The following PRKD1 variants were observed in gnomAD, a reference collection of about 807,000 sequenced individuals.
The protein encoded by PRKD1 is protein kinase D1.
A neutral mutation model predicts 95.9 loss-of-function variants in PRKD1; 63 were observed. The ratio of observed to expected loss-of-function variants is 0.66; its 90% CI spans 0.54 to 0.81. The LOEUF (loss-of-function observed/expected upper bound fraction) is 0.81, where lower values mean the gene tolerates loss of function less well. Ranked by LOEUF, PRKD1 falls within the 30% of genes least tolerant of loss-of-function variation. The pLI is 0.00. For synonymous variants in PRKD1, 425 were observed against 423.1 expected, an observed-to-expected ratio of 1.00 and a Z score of -0.05; for missense variants, 1,048 against 1,165.3, an observed-to-expected ratio of 0.90 and a Z score of 1.47.
intron 1 of PRKD1, among the ~76,000 whole-genome samples, chr14:29,799,543 A>G (rs1889943154): frequency 6.6e-6 from 1 of 152,226 alleles, no homozygotes; most frequent in Non-Finnish European, 1.5e-5. Flanking sequence ...TTATTAAATA[A>G]TCTTGCAAAT....
intron 1 of PRKD1, among the ~76,000 whole-genome samples, chr14:29,867,730 C>T (rs554937930): frequency 2.0e-4 from 31 of 152,134 alleles, no homozygotes; most frequent in Non-Finnish European, 2.8e-4. Context: ...GGGGTATCTG[C>T]AGGAAGGTTT....
intron 1 of PRKD1, among the ~76,000 whole-genome samples, chr14:29,751,609 T>A (rs1229257957): frequency 6.6e-6 from 1 of 152,186 alleles, no homozygotes; most frequent in African/African-American, 2.4e-5. Flanking sequence ...ACATTATGTA[T>A]CTTTATAGTT....
chr14:29,607,855 A>G (rs1453803488), intron 13 of PRKD1, among the ~76,000 whole-genome samples: 1 of 152,160 alleles, frequency 6.6e-6, no homozygotes, highest in Non-Finnish European at 1.5e-5. Flanking sequence ...TAGGGTGCAG[A>G]CATCTTTAAC....
At chr14:29,925,104 T>A (rs1484109063) in intron 1 of PRKD1, among the ~76,000 whole-genome samples, 1 of 152,014 alleles carries the variant, frequency 6.6e-6, no homozygotes. Context: ...TTCCAAACAG[T>A]CAAACTTTTC....
chr14:29,904,832 G>A (rs1187156444), intron 1 of PRKD1, among the ~76,000 whole-genome samples: 1 of 152,160 alleles, frequency 6.6e-6, no homozygotes, highest in Non-Finnish European at 1.5e-5. Flanking sequence ...TAAAGAGGCA[G>A]TACAAGAATG....
rs534526674 is a variant in PRKD1, at chr14:29,749,925, T to G, written c.265-24251A>C. 7.2e-5 allele frequency among the ~76,000 whole-genome samples: 11 copies of G among 152,310 alleles called. 1 individual carries two copies. In the East Asian group the frequency reaches 1.5e-3, roughly 21 times the overall value. ...GTTGGGGATGTATGCCATACAAACA[T>G]GAACATTTACACAGCAAAAACGTTA... On this transcript the variant is annotated intron_variant, in intron 1 of 17. Coordinates refer to ENST00000331968, the MANE Select transcript of PRKD1 (RefSeq NM_002742.3).
chr14:29,611,676 C>A (rs1337580412), intron 13 of PRKD1, among the ~76,000 whole-genome samples: 1 of 151,374 alleles, frequency 6.6e-6, no homozygotes, highest in Non-Finnish European at 1.5e-5. Context: ...CAAGTATGAC[C>A]CCCTTCCCTT....
chr14:29,580,947 A>G (rs146453262), intron 16 of PRKD1, among the ~76,000 whole-genome samples: 2 of 152,178 alleles, frequency 1.3e-5, no homozygotes, highest in East Asian at 3.9e-4. Context: ...CTAGTTGCAA[A>G]GGCACATGCA....
intron 4 of PRKD1, among the ~76,000 whole-genome samples, chr14:29,656,840 A>G (rs1566518635): frequency 6.6e-6 from 1 of 152,218 alleles, no homozygotes; most frequent in Non-Finnish European, 1.5e-5. Flanking sequence ...AATAAATTAT[A>G]GTCAAAATGA....
intron 1 of PRKD1, among the ~76,000 whole-genome samples, chr14:29,890,036 T>C (rs1893883194): frequency 6.6e-6 from 1 of 152,198 alleles, no homozygotes. Flanking sequence ...AGTTCTCAAA[T>C]AAGTTGTGTC....
At chr14:29,924,769 AC>A (rs1195929423) in intron 1 of PRKD1, among the ~76,000 whole-genome samples, 1 of 152,110 alleles carries the variant, frequency 6.6e-6, no homozygotes, top group Non-Finnish European at 1.5e-5. Context: ...CCAAAAAAAA[AC>A]TGAAATAAAA....
chr14:29,903,120 C>T (rs1375665929), intron 1 of PRKD1, among the ~76,000 whole-genome samples: 1 of 152,144 alleles, frequency 6.6e-6, no homozygotes, highest in Non-Finnish European at 1.5e-5. Flanking sequence ...AGGAATGGCT[C>T]AAGAGACGAA....
chr14:29,911,578 C>T (rs10147905), intron 1 of PRKD1, among the ~76,000 whole-genome samples: 38,691 of 151,998 alleles, frequency 0.25, 9,869 homozygotes, highest in African/African-American at 0.66. Context: ...TATTTGCTTA[C>T]AGAAAAAAAT....
chr14:29,662,345 CAT>C (rs1184513403), intron 4 of PRKD1, among the ~76,000 whole-genome samples: 2 of 152,068 alleles, frequency 1.3e-5, no homozygotes, highest in African/African-American at 2.4e-5. Context: ...GAGAAGATGA[CAT>C]AGGATTATTT....
intron 1 of PRKD1, among the ~76,000 whole-genome samples, chr14:29,916,454 A>G (rs1894891006): frequency 6.6e-6 from 1 of 152,164 alleles, no homozygotes; most frequent in African/African-American, 2.4e-5. Flanking sequence ...TTTCAGGTCT[A>G]TTCACCACCA....
intron 4 of PRKD1, chr14:29,657,989 G>A (rs775835834): frequency 6.6e-6 from 1 of 152,164 alleles, no homozygotes; most frequent in Non-Finnish European, 1.5e-5. Flanking sequence ...AACCAAACAT[G>A]AGTTTCAGGG....
intron 2 of PRKD1, among the ~76,000 whole-genome samples, chr14:29,692,434 AC>A (rs1884292268): frequency 6.6e-6 from 1 of 152,174 alleles, no homozygotes; most frequent in Non-Finnish European, 1.5e-5. Context: ...CAACTTAAGC[AC>A]TGGGTTTTAA....
chr14:29,692,411 C>A lies in PRKD1; in HGVS notation c.404-26203G>T, dbSNP rs756463895. On this transcript the variant is annotated intron_variant, in intron 2 of 17. Transcript: ENST00000331968. The stretch of plus-strand genomic sequence containing the variant: ...TTGACCTCAGTTGTAATACTGAAAG[C>A]CAGATAACTCTACAACTTAAGCACT... 3.3e-4 allele frequency among the ~76,000 whole-genome samples: 50 copies of A among 152,194 alleles called. 1 individual carries two copies. In the Middle Eastern group the frequency reaches 0.01, roughly 31 times the overall value.
chr14:29,715,719 T>C (rs371246635), intron 2 of PRKD1, among the ~76,000 whole-genome samples: 11 of 152,310 alleles, frequency 7.2e-5, no homozygotes, highest in African/African-American at 2.4e-4. Flanking sequence ...ATAATCCCTC[T>C]TTGAAAGATA....
Sources: gnomAD v4.1 joint callset for allele counts (sites outside exome capture counted in the v4.1 genomes callset) on GRCh38, gnomAD v4.1.1 for gene constraint, MANE v1.5 for transcripts, NCBI Gene and HGNC (gene_info 2026-07-23, HGNC 2026-07-21) for gene names.